KRAS: variants seen among roughly 807,000 people sequenced by gnomAD.
KRAS encodes the protein KRas proto-oncogene, GTPase, also known as GTPase KRas.
A neutral mutation model predicts 21.0 loss-of-function variants in KRAS; 1 was observed. The ratio of observed to expected loss-of-function variants is 0.05; its 90% confidence interval spans 0.02 to 0.23. KRAS has a LOEUF of 0.23. Among genes scored for constraint, KRAS ranks in the 10% least tolerant of loss-of-function variants. The pLI is 1.00. For missense variants in KRAS, 107 were observed against 221.8 expected (o/e 0.48, Z 3.29); for synonymous variants, 67 against 72.5 (o/e 0.92, Z 0.39).
intron 4 of KRAS, chr12:25,215,251 T>C: frequency 1.3e-6 from 1 of 751,768 alleles, no homozygotes; most frequent in Non-Finnish European, 1.6e-6. Flanking sequence ...CCATCAAAAT[T>C]GTCTCAATTA....
At chr12:25,238,777 T>C (rs1951573851) in intron 2 of KRAS, among the ~76,000 whole-genome samples, 1 of 152,230 alleles carries the variant, frequency 6.6e-6, no homozygotes, top group Non-Finnish European at 1.5e-5. Flanking sequence ...TATATGGACA[T>C]ACCATAATTT....
intron 4 of KRAS, among the ~76,000 whole-genome samples, chr12:25,223,574 A>C (rs1475840200): frequency 6.6e-6 from 1 of 152,202 alleles, no homozygotes; most frequent in African/African-American, 2.4e-5. Flanking sequence ...GTCAAACTAG[A>C]GAAATTCAGT....
chr12:25,245,182 T>C, intron 2 of KRAS, 92 bp downstream of exon 2: 1 of 1,309,824 alleles, frequency 7.6e-7, no homozygotes, highest in Non-Finnish European at 1.1e-6. Flanking sequence ...AATTATCTTG[T>C]AATAAGTACT....
At chr12:25,215,628 T>C (rs1951247020) in intron 4 of KRAS, 1 of 1,350,068 alleles carries the variant, frequency 7.4e-7, no homozygotes. Flanking sequence ...GGGAAAGCCA[T>C]GTGCAAGAAG....
intron 4 of KRAS, among the ~76,000 whole-genome samples, chr12:25,221,024 C>CAA (rs67015511): frequency 0.087 from 7,350 of 84,468 alleles, 314 homozygotes; most frequent in Non-Finnish European, 0.11. Context: ...GACTCTGCCT[C>CAA]AAAAAAAAAA....
At chr12:25,223,959 T>C (rs1951358123) in intron 4 of KRAS, among the ~76,000 whole-genome samples, 1 of 152,034 alleles carries the variant, frequency 6.6e-6, no homozygotes, top group Non-Finnish European at 1.5e-5. Flanking sequence ...CATAATGACA[T>C]TTTGGTCCAC....
intron 2 of KRAS, 32 bp downstream of exon 2, chr12:25,245,242 A>T (rs1951662756): frequency 6.3e-7 from 1 of 1,575,132 alleles, no homozygotes; most frequent in Non-Finnish European, 8.6e-7. Context: ...ATGGTCCTGC[A>T]CCAGTAATAT....
chr12:25,241,965 T>C (rs943962717), intron 2 of KRAS, among the ~76,000 whole-genome samples: 1 of 152,198 alleles, frequency 6.6e-6, no homozygotes, highest in Non-Finnish European at 1.5e-5. Context: ...TTTTACAAAT[T>C]TTCTCTCTAT....
At chr12:25,221,470 G>T (rs1951325087) in intron 4 of KRAS, among the ~76,000 whole-genome samples, 1 of 152,126 alleles carries the variant, frequency 6.6e-6, no homozygotes, top group Non-Finnish European at 1.5e-5. Context: ...CTGACCTCAG[G>T]TGGTGTGCCC....
Position 25,208,527 on chromosome 12 carries a change from G to A in KRAS, c.*1268C>T, listed in dbSNP as rs1299424157. On this transcript the variant is annotated 3_prime_UTR_variant, in exon 5 of 5. Coordinates refer to ENST00000311936, the MANE Select transcript of KRAS (RefSeq NM_004985.5). Reference sequence around the variant, plus strand: ...GTTTAAAAAAAAAATTAATGTCTTGGCACACCACCACCCCAAAATCTCAAC... The same window carrying A: ...GTTTAAAAAAAAAATTAATGTCTTGACACACCACCACCCCAAAATCTCAAC... The A allele has an allele frequency of 4.3e-5, 10 of 232,796 alleles. No homozygotes were observed. The highest frequency in any genetic ancestry group is 2.4e-4 in the East Asian group (4 of 16,468). 14.4% of individuals were successfully genotyped at this position (232,796 alleles called of 1,614,324 possible).
intron 4 of KRAS, chr12:25,215,565 A>C: frequency 6.2e-7 from 1 of 1,607,052 alleles, no homozygotes; most frequent in Non-Finnish European, 8.5e-7. Context: ...CACTCTCTGC[A>C]TTGTAAAACA....
chr12:25,239,284 A>G (rs189963831), intron 2 of KRAS, among the ~76,000 whole-genome samples: 1 of 152,192 alleles, frequency 6.6e-6, no homozygotes, highest in African/African-American at 2.4e-5. Flanking sequence ...CTTGAACCAA[A>G]TGGTTTTTCT....
At chr12:25,217,319 AT>A (rs1951266959) in intron 4 of KRAS, among the ~76,000 whole-genome samples, 1 of 152,212 alleles carries the variant, frequency 6.6e-6, no homozygotes, top group Non-Finnish European at 1.5e-5. Flanking sequence ...TCAGAATTAT[AT>A]TAAGAACTGC....
At chr12:25,240,687 A>G (rs1191991096) in intron 2 of KRAS, among the ~76,000 whole-genome samples, 1 of 152,210 alleles carries the variant, frequency 6.6e-6, no homozygotes, top group Non-Finnish European at 1.5e-5. Flanking sequence ...ATCTTAGGAG[A>G]TTCCAAACCA....
At chr12:25,232,819 G>A (rs1318003403) in intron 2 of KRAS, among the ~76,000 whole-genome samples, 1 of 152,132 alleles carries the variant, frequency 6.6e-6, no homozygotes, top group East Asian at 1.9e-4. Context: ...TGGCAAGACT[G>A]AATTGTAGAC....
At chr12:25,214,764 G>A (rs532168382) in intron 4 of KRAS, among the ~76,000 whole-genome samples, 1 of 152,220 alleles carries the variant, frequency 6.6e-6, no homozygotes, top group East Asian at 1.9e-4. Flanking sequence ...CCAAATAGGA[G>A]GTTCTAACAG....
At chr12:25,242,654 C>A (rs1003222660) in intron 2 of KRAS, among the ~76,000 whole-genome samples, 1 of 152,134 alleles carries the variant, frequency 6.6e-6, no homozygotes, top group African/African-American at 2.4e-5. Flanking sequence ...TACATCATAC[C>A]TCTGCCACTA....
chr12:25,243,934 T>G (rs1951642980), intron 2 of KRAS, among the ~76,000 whole-genome samples: 1 of 152,238 alleles, frequency 6.6e-6, no homozygotes, highest in Non-Finnish European at 1.5e-5. Context: ...TGTAAATTCT[T>G]AAAATTGGAA....
intron 4 of KRAS, among the ~76,000 whole-genome samples, chr12:25,224,879 G>A (rs986691943): frequency 6.6e-6 from 1 of 152,072 alleles, no homozygotes; most frequent in Non-Finnish European, 1.5e-5. Flanking sequence ...GTCATTAAGA[G>A]ACATATGACT....
Sources: allele counts gnomAD v4.1 joint callset (sites outside exome capture counted in the v4.1 genomes callset), GRCh38; gene constraint gnomAD v4.1.1; transcripts MANE v1.5; gene names NCBI Gene and HGNC (gene_info 2026-07-23, HGNC 2026-07-21).